GRIN2B: variants seen among roughly 807,000 people sequenced by gnomAD.
GRIN2B encodes glutamate receptor ionotropic, NMDA 2B.
GRIN2B carries 5 observed loss-of-function variants against 114.5 expected under a neutral mutation model. The observed-to-expected ratio is 0.04, with a 90% CI of 0.02 to 0.09. The LOEUF is 0.09. GRIN2B is among the 10% of genes least tolerant of loss of function. The pLI, the probability that GRIN2B is intolerant of heterozygous loss-of-function variation, is 1.00. For synonymous variants in GRIN2B, 787 were observed against 745.1 expected (o/e 1.06, Z -0.92); for missense variants, 1,108 against 1,943.5 (o/e 0.57, Z 8.08).
intron 2 of GRIN2B, among the ~76,000 whole-genome samples, chr12:13,934,111 C>A (rs1433121886): frequency 6.6e-6 from 1 of 152,182 alleles, no homozygotes; most frequent in Non-Finnish European, 1.5e-5. Flanking sequence ...AAGAGGACTT[C>A]AGAAAATGTT....
intron 3 of GRIN2B, among the ~76,000 whole-genome samples, chr12:13,769,415 A>T (rs1434648652): frequency 6.6e-6 from 1 of 152,024 alleles, no homozygotes; most frequent in Non-Finnish European, 1.5e-5. Flanking sequence ...AGCTCACCAC[A>T]TTCATACTCA....
chr12:13,927,089 C>A (rs1359340045), intron 2 of GRIN2B, among the ~76,000 whole-genome samples: 4 of 152,028 alleles, frequency 2.6e-5, no homozygotes, highest in Non-Finnish European at 4.4e-5. Context: ...ATAATAATAT[C>A]ACTGTAAGAG....
intron 4 of GRIN2B, among the ~76,000 whole-genome samples, chr12:13,719,140 A>T (rs1950486033): frequency 6.6e-6 from 1 of 151,870 alleles, no homozygotes; most frequent in African/African-American, 2.4e-5. Context: ...GGGCCAGGGG[A>T]TGACCTACAC....
intron 10 of GRIN2B, among the ~76,000 whole-genome samples, chr12:13,583,412 T>C (rs1443511696): frequency 1.3e-5 from 2 of 152,212 alleles, no homozygotes; most frequent in African/African-American, 2.4e-5. Flanking sequence ...GTAAGTAATT[T>C]GAATAAGGCC....
At chr12:13,938,865 C>T (rs980762493) in intron 2 of GRIN2B, among the ~76,000 whole-genome samples, 62 of 152,188 alleles carry the variant, frequency 4.1e-4, no homozygotes, top group African/African-American at 1.1e-3. Flanking sequence ...ACTTAAAATA[C>T]GTAAATTTTT....
chr12:13,977,368 C>T (rs893971059), intron 2 of GRIN2B: 14 of 152,236 alleles, frequency 9.2e-5, no homozygotes, highest in African/African-American at 3.4e-4. Flanking sequence ...ACTGCCACAT[C>T]ACTCTGTGTT....
chr12:13,707,795 A>C (rs886331595), intron 4 of GRIN2B, among the ~76,000 whole-genome samples: 14 of 152,118 alleles, frequency 9.2e-5, no homozygotes, highest in Admixed American at 6.6e-4. Context: ...ATCCTATTGG[A>C]ATATTTCTAT....
intron 3 of GRIN2B, among the ~76,000 whole-genome samples, chr12:13,861,133 GTGTT>G: frequency 6.6e-6 from 1 of 152,272 alleles, no homozygotes; most frequent in East Asian, 1.9e-4. Flanking sequence ...TATAACTAAT[GTGTT>G]TGTCCACATT....
At chr12:13,710,906 G>A (rs1234716037) in intron 4 of GRIN2B, among the ~76,000 whole-genome samples, 2 of 151,900 alleles carry the variant, frequency 1.3e-5, no homozygotes. Flanking sequence ...CCAAAAAAGA[G>A]CCCTCATTGC....
At chr12:13,735,337 T>C (rs1863159633) in intron 4 of GRIN2B, among the ~76,000 whole-genome samples, 1 of 152,212 alleles carries the variant, frequency 6.6e-6, no homozygotes, top group Non-Finnish European at 1.5e-5. Flanking sequence ...TATCATCCAA[T>C]GCGATGACTA....
intron 2 of GRIN2B, among the ~76,000 whole-genome samples, chr12:13,884,493 A>G (rs1163320893): frequency 1.3e-5 from 2 of 152,096 alleles, no homozygotes; most frequent in Non-Finnish European, 2.9e-5. Flanking sequence ...CTAAACATTT[A>G]TTTTAGTAGT....
intron 3 of GRIN2B, among the ~76,000 whole-genome samples, chr12:13,780,834 C>CAAA (rs200061187): frequency 0.036 from 3,034 of 84,576 alleles, 109 homozygotes; most frequent in African/African-American, 0.11. Flanking sequence ...CAGGTTTTGC[C>CAAA]AAAAAAAAAA....
chr12:13,870,042 C>A (rs1005523151), intron 2 of GRIN2B, among the ~76,000 whole-genome samples: 1 of 152,100 alleles, frequency 6.6e-6, no homozygotes, highest in Admixed American at 6.5e-5. Flanking sequence ...TTTATGATAG[C>A]ACAAAGTGAG....
chr12:13,569,314 T>G (rs1042895371), intron 12 of GRIN2B, among the ~76,000 whole-genome samples: 2 of 152,110 alleles, frequency 1.3e-5, no homozygotes, highest in African/African-American at 4.8e-5. Flanking sequence ...ATTGCAAACA[T>G]AATTAAGCTG....
chr12:13,893,321 T>C (rs1461436648), intron 2 of GRIN2B, among the ~76,000 whole-genome samples: 1 of 152,070 alleles, frequency 6.6e-6, no homozygotes, highest in African/African-American at 2.4e-5. Flanking sequence ...TGAAAAATGA[T>C]GCAGAAGACA....
At chr12:13,576,232 C>T (rs778044433) in intron 10 of GRIN2B, among the ~76,000 whole-genome samples, 59 of 152,100 alleles carry the variant, frequency 3.9e-4, no homozygotes, top group Non-Finnish European at 7.3e-4. Flanking sequence ...TAGGGAGGCC[C>T]GTGGGGAAGA....
chr12:13,669,722 T>C (rs563541792), intron 5 of GRIN2B, among the ~76,000 whole-genome samples: 11 of 152,278 alleles, frequency 7.2e-5, no homozygotes, highest in African/African-American at 2.6e-4. Context: ...ATGTGCCAGT[T>C]TCTTCTGAGT....
chr12:13,717,619 C>T (rs945713552), intron 4 of GRIN2B, among the ~76,000 whole-genome samples: 20 of 151,868 alleles, frequency 1.3e-4, no homozygotes, highest in African/African-American at 4.1e-4. Flanking sequence ...AGTAGACGCG[C>T]GAGAACCCAC....
At chr12:13,868,854 T>C (rs1246110847) in intron 2 of GRIN2B, among the ~76,000 whole-genome samples, 1 of 152,200 alleles carries the variant, frequency 6.6e-6, no homozygotes, top group African/African-American at 2.4e-5. Flanking sequence ...TTATGGGAGA[T>C]AACAGTAGCA....
Sources: gnomAD v4.1 joint callset for allele counts (sites outside exome capture counted in the v4.1 genomes callset) on GRCh38, gnomAD v4.1.1 for gene constraint, MANE v1.5 for transcripts, NCBI Gene and HGNC (gene_info 2026-07-23, HGNC 2026-07-21) for gene names.